ABCA2: variants seen among roughly 807,000 people sequenced by gnomAD.
ABCA2 encodes ATP-binding cassette sub-family A member 2.
ABCA2 carries 84 observed loss-of-function variants against 262.8 expected under a neutral mutation model. That is an observed-to-expected ratio of 0.32 (90% CI 0.27 to 0.38). ABCA2 has a LOEUF of 0.38. Ranked by LOEUF, ABCA2 falls within the 10% of genes least tolerant of loss-of-function variation. The pLI is 1.00. For missense variants in ABCA2, 2,662 were observed against 3,405.9 expected (o/e 0.78, Z 5.44); for synonymous variants, 1,696 against 1,502.9 (o/e 1.13, Z -2.97).
At position 137,013,454 on chromosome 9, in the gene ABCA2, G is replaced by T. The variant is rs1199548047; in HGVS notation, c.4550+7C>A. On this transcript the variant is annotated splice_region_variant and intron_variant, in intron 29 of 48. Coordinates refer to ENST00000341511, the MANE Select transcript of ABCA2 (RefSeq NM_001606.5). ...CCCACCAAGGCTGCCCCCGCTGGAGGCCTCACCGGTACTCGCGGCGCTCCT... is the reference window on the plus strand; with the variant it reads ...CCCACCAAGGCTGCCCCCGCTGGAGTCCTCACCGGTACTCGCGGCGCTCCT... The T allele has an allele frequency of 6.2e-7, 1 of 1,600,630 alleles. No individual in the cohort carries two copies. Among genetic ancestry groups the T allele is most frequent in the Non-Finnish European group, 8.5e-7 (1 of 1,175,860 alleles).
At chr9:137,023,317 C>T (rs1831543748) in intron 3 of ABCA2, 3 of 670,542 alleles carry the variant, frequency 4.5e-6, no homozygotes, top group African/African-American at 1.8e-5. Flanking sequence ...CATTCCTTTC[C>T]TTTCAGCCAG....
rs1830989166 is a variant in ABCA2 at position 137,010,315 on chromosome 9, A to G, written c.6231T>C (p.Gly2077=). The G allele has an allele frequency of 1.9e-6, 3 of 1,589,918 alleles. No individual in the cohort carries two copies. Among genetic ancestry groups the G allele is most frequent in the Non-Finnish European group, 2.6e-6 (3 of 1,169,136 alleles). ...GCCCGAAGCACTCGCCAGGACGCAC[A>G]CCCAGGCACAGGCGGTCAACGGCCA... is the stretch of plus-strand genomic sequence containing the variant. ...RILAVDRLCL[G]VRPGECFGLL... is the part of the protein sequence containing the mutation. Residue 2077 remains glycine (G), a synonymous_variant, in exon 41 of 49, where the codon GGT becomes GGC. Coordinates refer to ENST00000341511, the MANE Select transcript of ABCA2 (RefSeq NM_001606.5).
rs374621605 is a variant in ABCA2 at position 137,011,958 on chromosome 9, C to T, written c.5421G>A (p.Pro1807=). The change falls in exon 35 of 49, where the codon CCG becomes CCA. Residue 1807 remains proline (P), a synonymous_variant. Transcript: ENST00000341511. The surrounding 1 kb of genome is among the most constrained non-coding windows in gnomAD (Gnocchi z 8.8). ...CCACGAGGAAGACAACGAAGCTGGCCGGCACGAAGGACATGGCCACGATGA... is the reference window on the plus strand; with the variant it reads ...CCACGAGGAAGACAACGAAGCTGGCTGGCACGAAGGACATGGCCACGATGA... ...IFIIVAMSFV[P]ASFVVFLVAE... The T allele has an allele frequency of 1.2e-5, 20 of 1,612,566 alleles. No homozygotes were observed. The highest frequency in any genetic ancestry group is 1.6e-4 in the Middle Eastern group (1 of 6,082).
rs199890267 is a variant in ABCA2, at chr9:137,008,987, C to T, written c.6894G>A (p.Arg2298=). 1.3e-6 allele frequency: 2 copies of T among 1,594,504 alleles called. No individual in the cohort carries two copies. Among genetic ancestry groups the T allele is most frequent in the Admixed American group, 3.5e-5 (2 of 56,814 alleles). The part of the protein sequence containing the change: ...KSSQSVKDVV[R]FFNRNFPEAM... ...CTTCCGGGAAGTTGCGGTTGAAGAA[C>T]CGCACCACGTCCTTCACACTCTGGC... Residue 2298 remains arginine (R), a synonymous_variant, in exon 46 of 49, where the codon CGG becomes CGA. Transcript: ENST00000341511.
At chr9:137,016,203 A>G in intron 21 of ABCA2, 29 bp from the exon 22 acceptor site, 2 of 1,611,464 alleles carry the variant, frequency 1.2e-6, no homozygotes, top group Non-Finnish European at 1.7e-6. Flanking sequence ...TCATGACCCC[A>G]CGCCCTCTGC....
intron 22 of ABCA2, 32 bp from the exon 23 acceptor site, chr9:137,015,903 GCT>G (rs768257876): frequency 6.2e-7 from 1 of 1,607,584 alleles, no homozygotes; most frequent in Non-Finnish European, 8.5e-7. Flanking sequence ...TGGGGCTGCT[GCT>G]ATGCAGAGCC....
intron 1 of ABCA2, among the ~76,000 whole-genome samples, chr9:137,025,616 C>T (rs1016880108): frequency 6.6e-6 from 1 of 152,242 alleles, no homozygotes; most frequent in Non-Finnish European, 1.5e-5. Context: ...CTCCCTGAGC[C>T]AGGACGGAGC....
chr9:137,023,126 G>A lies in ABCA2; in HGVS notation c.164-74C>T, dbSNP rs1415142884. On this transcript the variant is annotated intron_variant, in intron 3 of 48. Transcript: ENST00000341511. ...GAGAGAGAGGAATCCAGAAGGGGAG[G>A]GAGACAGAGGCCGAGAGGAGAAATT... 9.3e-6 allele frequency: 11 copies of A among 1,181,572 alleles called. No individual in the cohort carries two copies. The East Asian group carries it at 1.3e-4, about 14-fold the overall frequency. 73.2% of individuals were successfully genotyped at this position (1,181,572 alleles called of 1,614,324 possible). A position where few individuals can be genotyped will look rare whatever the true frequency, so the allele number is the denominator to read the frequency against.
chr9:137,008,688 G>C (rs763184577), intron 47 of ABCA2, 43 bp downstream of exon 47: 21 of 1,564,508 alleles, frequency 1.3e-5, no homozygotes, highest in Non-Finnish European at 1.6e-5. Context: ...GGGCGGGTGA[G>C]GGGAGGGGCA....
At position 137,007,945 on chromosome 9, in the gene ABCA2, G is replaced by C; in HGVS notation, c.7295C>G (p.Thr2432Arg). The C allele has an allele frequency of 6.2e-7, 1 of 1,605,552 alleles. No homozygotes were observed. The highest frequency in any genetic ancestry group is 8.5e-7 in the Non-Finnish European group (1 of 1,179,838). ...TCTGGGTGGTCAGCAGAGCGTGTCCGTGTTGAAGGACAGCTGGGCCTGTGC... is the reference window on the plus strand; with the variant it reads ...TCTGGGTGGTCAGCAGAGCGTGTCCCTGTTGAAGGACAGCTGGGCCTGTGC... ...EEERAQLSFN[T>R]DTLC The change falls in exon 49 of 49, where the codon ACG becomes AGG. Residue 2432 changes from threonine (T) to arginine (R), a missense_variant. Transcript: ENST00000341511.
In ABCA2 at chr9:137,020,818, C is replaced by T. The variant is rs1381102791; in HGVS notation, c.1141G>A (p.Ala381Thr). ...GAGGGTGCGCCCTCCTCAGCGGTGG[C>T]GTTGGGGCCCATGACTGCCCCTGCC... Reference protein sequence around the residue: ...TGAGAVMGPNATAEEGAPSAA... With the variant: ...TGAGAVMGPNTTAEEGAPSAA... The change falls in exon 9 of 49, where the codon GCC (alanine) becomes ACC (threonine). Residue 381 changes from alanine to threonine, a missense_variant. Ala to Thr is a moderately conservative substitution (Grantham distance 58). Around this residue, in one of 12 missense-constraint regions of ABCA2, gnomAD observed 403 missense variants for 375.9 expected, o/e 1.07. Coordinates refer to ENST00000341511, the MANE Select transcript of ABCA2 (RefSeq NM_001606.5). 8 of 1,562,168 alleles carry T rather than the reference C, an allele frequency of 5.1e-6. No individual in the cohort carries two copies. The highest frequency in any genetic ancestry group is 1.9e-5 in the Admixed American group (1 of 53,116).
intron 10 of ABCA2, 128 bp downstream of exon 10, chr9:137,020,208 C>A: frequency 7.9e-7 from 1 of 1,265,792 alleles, no homozygotes; most frequent in East Asian, 2.4e-5. Context: ...GCCTGTGTCC[C>A]ATCCGAAGCT....
chr9:137,018,899 T>C lies in ABCA2; in HGVS notation c.1722+4A>G, dbSNP rs1831358126. 6.2e-7 allele frequency: 1 copy of C among 1,612,072 alleles called. No individual in the cohort carries two copies. Among genetic ancestry groups the C allele is most frequent in the Non-Finnish European group, 8.5e-7 (1 of 1,179,454 alleles). On this transcript the variant is annotated splice_donor_region_variant and intron_variant, in intron 12 of 48. Transcript: ENST00000341511. ...TGGGTTGGCTCGGAGGCCCCACCGC[T>C]CACCTTGGACATGAACTGGATCCAG...
Position 137,017,953 on chromosome 9 carries a change from C to T in ABCA2, c.2096+20G>A, listed in dbSNP as rs1831320003. On this transcript the variant is annotated intron_variant, in intron 15 of 48. Coordinates refer to ENST00000341511, the MANE Select transcript of ABCA2 (RefSeq NM_001606.5). ...ACTCAGCCCCAGCCCCAGCCCCAGC[C>T]CCGGGCGCCCAGCACTCACTCATCG... 3.7e-6 allele frequency: 6 copies of T among 1,612,262 alleles called. No individual in the cohort carries two copies. The South Asian group carries it at 6.6e-5, about 18-fold the overall frequency.
Position 137,022,458 on chromosome 9 carries a change from A to AAACCC in ABCA2, c.459_460insGGGTT (p.Ser154GlyfsTer15). 1 of 1,611,882 alleles carries AAACCC rather than the reference A, an allele frequency of 6.2e-7. No homozygotes were observed. The highest frequency in any genetic ancestry group is 1.1e-5 in the South Asian group (1 of 90,746). ...AGCTCCTGCGGGTTTCTGGCCACCG[A>AAACCC]GTCCAGAGAGAAGGAAGACACTGGA... On this transcript the variant is annotated frameshift_variant, in exon 6 of 49. Coordinates refer to ENST00000341511, the MANE Select transcript of ABCA2 (RefSeq NM_001606.5). LOFTEE classifies it high-confidence loss of function.
Position 137,011,076 on chromosome 9 carries a change from C to T in ABCA2, c.5953G>A (p.Glu1985Lys), listed in dbSNP as rs373443721. Reference protein sequence around the residue: ...GQFDKMKSPFEWDIVTRGLVA... With the variant: ...GQFDKMKSPFKWDIVTRGLVA... ...AGTCCGCGGGTGACAATGTCCCACT[C>T]GAACGGGGACTTCATCTTGTCAAAC... The change falls in exon 39 of 49, where the codon GAG (glutamate) becomes AAG (lysine). Residue 1985 changes from glutamate (E) to lysine (K), a missense_variant. Coordinates refer to ENST00000341511, the MANE Select transcript of ABCA2 (RefSeq NM_001606.5). The surrounding 1 kb of genome is among the most constrained non-coding windows in gnomAD (Gnocchi z 8.8). 45 of 1,612,116 alleles carry T rather than the reference C, an allele frequency of 2.8e-5. No individual in the cohort carries two copies. Among genetic ancestry groups the T allele is most frequent in the South Asian group, 7.7e-5 (7 of 91,062 alleles).
Position 137,028,224 on chromosome 9 carries a change from G to A in ABCA2, c.-84C>T. 3.1e-6 allele frequency: 3 copies of A among 978,966 alleles called. No individual in the cohort carries two copies. The highest frequency in any genetic ancestry group is 3.6e-6 in the Non-Finnish European group (3 of 827,198). 60.6% of individuals were successfully genotyped at this position (978,966 alleles called of 1,614,324 possible). A position where few individuals can be genotyped will look rare whatever the true frequency, so the allele number is the denominator to read the frequency against. On this transcript the variant is annotated 5_prime_UTR_variant, in exon 1 of 49. Transcript: ENST00000341511. This position sits in a 1 kb window ranked among gnomAD's most constrained non-coding sequence, Gnocchi z 6.9. ...GGCCCCGCAGCCCGCCGCGCCGCTG[G>A]GCATCGCCCGCGCGGGGGCGGGGCG...
At chr9:137,009,340 CA>C in intron 45 of ABCA2, 29 bp downstream of exon 45, 2 of 1,456,812 alleles carry the variant, frequency 1.4e-6, no homozygotes, top group Non-Finnish European at 1.9e-6. Flanking sequence ...GGGCCCGCCC[CA>C]GCCCACCCCT....
At chr9:137,023,871 C>A (rs760746262) in intron 2 of ABCA2, 31 bp from the exon 3 acceptor site, 3 of 894,512 alleles carry the variant, frequency 3.4e-6, no homozygotes, top group Non-Finnish European at 5.6e-6. Context: ...AGAGACCATG[C>A]GGGGAGGGAG....
Sources: gnomAD v4.1 joint callset for allele counts (sites outside exome capture counted in the v4.1 genomes callset) on GRCh38, gnomAD v4.1.1 for gene constraint, gnomAD v4.1.1 regional missense constraint, Gnocchi (gnomAD v3.1) non-coding constraint, MANE v1.5 for transcripts, NCBI Gene and HGNC (gene_info 2026-07-23, HGNC 2026-07-21) for gene names.